The following ROBO2 variants were observed in gnomAD, a reference collection of about 807,000 sequenced individuals.
ROBO2 encodes roundabout guidance receptor 2.
Under a neutral mutation model 160.8 loss-of-function variants are expected in ROBO2, and 53 were observed. The observed-to-expected ratio is 0.33, with a 90% confidence interval of 0.26 to 0.41. The LOEUF (loss-of-function observed/expected upper bound fraction) is 0.41. Among genes scored for constraint, ROBO2 ranks in the 10% least tolerant of loss-of-function variants. The pLI, the probability that ROBO2 is intolerant of heterozygous loss-of-function variation, is 1.00. For missense variants in ROBO2, 1,577 were observed against 1,722.4 expected, an observed-to-expected ratio of 0.92 and a Z score of 1.49; for synonymous variants, 664 against 611.7, an observed-to-expected ratio of 1.09 and a Z score of -1.26.
chr3:76,788,223 C>A (rs972382046), intron 2 of ROBO2, among the ~76,000 whole-genome samples: 1 of 151,312 alleles, frequency 6.6e-6, no homozygotes, highest in Non-Finnish European at 1.5e-5. Flanking sequence ...AGACTTTGGA[C>A]AAAATGTGTG....
chr3:77,387,752 T>A (rs922862266), intron 2 of ROBO2, among the ~76,000 whole-genome samples: 14 of 152,152 alleles, frequency 9.2e-5, no homozygotes, highest in African/African-American at 3.1e-4. Flanking sequence ...AGCTACTCTA[T>A]GTTCATCTTA....
intron 2 of ROBO2, among the ~76,000 whole-genome samples, chr3:77,368,510 T>C (rs528858701): frequency 6.6e-6 from 1 of 152,246 alleles, no homozygotes; most frequent in African/African-American, 2.4e-5. Flanking sequence ...ATTTCAAGGA[T>C]TATGTCCTCA....
intron 2 of ROBO2, among the ~76,000 whole-genome samples, chr3:76,776,258 A>T (rs1009610284): frequency 6.6e-6 from 1 of 151,016 alleles, no homozygotes; most frequent in African/African-American, 2.4e-5. Context: ...ATAATAATTC[A>T]AATAATACCT....
At chr3:77,453,755 A>G (rs2081342193) in intron 2 of ROBO2, among the ~76,000 whole-genome samples, 1 of 152,066 alleles carries the variant, frequency 6.6e-6, no homozygotes, top group Non-Finnish European at 1.5e-5. Flanking sequence ...CTACCTTATT[A>G]CTGTTATTTT....
At chr3:76,654,915 A>ATG (rs2091430544) in intron 2 of ROBO2, among the ~76,000 whole-genome samples, 1 of 128,118 alleles carries the variant, frequency 7.8e-6, no homozygotes, top group African/African-American at 2.9e-5. Context: ...ATGTGTGTGT[A>ATG]TATATATATA....
At chr3:76,470,492 G>C (rs1238404912) in intron 2 of ROBO2, among the ~76,000 whole-genome samples, 1 of 152,046 alleles carries the variant, frequency 6.6e-6, no homozygotes, top group African/African-American at 2.4e-5. Context: ...TGGGAGCTTA[G>C]CTTAAGATGT....
intron 2 of ROBO2, among the ~76,000 whole-genome samples, chr3:76,065,998 C>T (rs2324469): frequency 0.64 from 96,143 of 150,612 alleles, 31,278 homozygotes; most frequent in Middle Eastern, 0.77. Context: ...GGATTGTTTT[C>T]TTTTGCTTTG....
chr3:76,749,530 T>C (rs1560493757), intron 2 of ROBO2, among the ~76,000 whole-genome samples: 1 of 152,002 alleles, frequency 6.6e-6, no homozygotes, highest in African/African-American at 2.4e-5. Context: ...AAGTTCTTAT[T>C]TGAGTAGAAT....
At chr3:77,312,428 AAC>A (rs2063628012) in intron 2 of ROBO2, among the ~76,000 whole-genome samples, 1 of 152,226 alleles carries the variant, frequency 6.6e-6, no homozygotes, top group African/African-American at 2.4e-5. Context: ...CATTTAAAGA[AAC>A]AGAAAAGCTC....
At position 77,079,945 on chromosome 3, in the gene ROBO2, T is replaced by G. The variant is rs1447179136; in HGVS notation, c.62-18069T>G. Reference sequence around the variant, plus strand: ...CTTTGTGGTTATTAGGCAAACTCTTTTAATTCCATAGAGGACAGAGGGTAG... The same window carrying G: ...CTTTGTGGTTATTAGGCAAACTCTTGTAATTCCATAGAGGACAGAGGGTAG... On this transcript the variant is annotated intron_variant, in intron 1 of 25. Transcript: ENST00000461745. Among the ~76,000 whole-genome samples the G allele has an allele frequency of 2.0e-5, 3 of 152,334 alleles. No homozygotes were observed. In the East Asian group the frequency reaches 5.8e-4, roughly 29 times the overall value.
At chr3:76,203,684 G>A (rs941943841) in intron 2 of ROBO2, among the ~76,000 whole-genome samples, 2 of 151,880 alleles carry the variant, frequency 1.3e-5, no homozygotes, top group East Asian at 3.9e-4. Context: ...ACAGGTCACG[G>A]TTCTAGTAAC....
chr3:77,308,225 G>C (rs538976333), intron 2 of ROBO2, among the ~76,000 whole-genome samples: 3 of 151,864 alleles, frequency 2.0e-5, no homozygotes, highest in Admixed American at 6.6e-5. Flanking sequence ...TCATGTGAGA[G>C]ATAACAAGTC....
chr3:76,014,988 C>T (rs1315186054), intron 2 of ROBO2, among the ~76,000 whole-genome samples: 1 of 152,066 alleles, frequency 6.6e-6, no homozygotes, highest in African/African-American at 2.4e-5. Flanking sequence ...AAAGTAGGCC[C>T]TCAATAACTT....
intron 2 of ROBO2, among the ~76,000 whole-genome samples, chr3:77,443,397 A>C (rs2153555734): frequency 6.6e-6 from 1 of 152,138 alleles, no homozygotes; most frequent in South Asian, 2.1e-4. Context: ...TGGCAACATC[A>C]TTTACATATA....
chr3:75,964,057 A>G (rs1328340916), intron 2 of ROBO2, among the ~76,000 whole-genome samples: 3 of 151,756 alleles, frequency 2.0e-5, no homozygotes, highest in Admixed American at 6.6e-5. Flanking sequence ...AACACATGGT[A>G]AGTAACCATT....
At chr3:75,995,450 A>T (rs562372326) in intron 2 of ROBO2, among the ~76,000 whole-genome samples, 5 of 152,302 alleles carry the variant, frequency 3.3e-5, no homozygotes, top group African/African-American at 1.2e-4. Flanking sequence ...TAAAAAACTG[A>T]GGTTTGGGAA....
At chr3:76,829,669 C>CT (rs1381411128) in intron 2 of ROBO2, among the ~76,000 whole-genome samples, 1 of 134,166 alleles carries the variant, frequency 7.5e-6, no homozygotes, top group Non-Finnish European at 1.6e-5. Flanking sequence ...CTTTTTTTTT[C>CT]TTTTTCTTTT....
At chr3:76,101,837 G>A (rs998933699) in intron 2 of ROBO2, among the ~76,000 whole-genome samples, 3 of 147,226 alleles carry the variant, frequency 2.0e-5, no homozygotes, top group Admixed American at 2.0e-4. Flanking sequence ...GGGGTGTGAT[G>A]TTCCCCTTCC....
upstream of ROBO2, among the ~76,000 whole-genome samples, chr3:77,036,099 T>C (rs9862848): frequency 1.3e-5 from 2 of 151,794 alleles, no homozygotes; most frequent in Non-Finnish European, 3.0e-5. Flanking sequence ...AAGTTCTTGA[T>C]AACATAGACT....
Sources: allele counts gnomAD v4.1 joint callset (sites outside exome capture counted in the v4.1 genomes callset), GRCh38; gene constraint gnomAD v4.1.1; transcripts MANE v1.5; gene names NCBI Gene and HGNC (gene_info 2026-07-23, HGNC 2026-07-21).